Variants in GGT5 observed in about 807,000 individuals in gnomAD.
The protein encoded by GGT5 is gamma-glutamyltransferase 5.
Under a neutral mutation model 58.1 loss-of-function variants are expected in GGT5, and 50 were observed. The ratio of observed to expected loss-of-function variants is 0.86; its 90% CI spans 0.69 to 1.09. The LOEUF (loss-of-function observed/expected upper bound fraction) is 1.09. GGT5 is among the 50% of genes least tolerant of loss of function. The pLI, the probability that GGT5 is intolerant of heterozygous loss-of-function variation, is 0.00. For missense variants in GGT5, 800 were observed against 789.4 expected (o/e 1.01, Z -0.16); for synonymous variants, 370 against 346.1 (o/e 1.07, Z -0.77).
chr22:24,244,465 TTCAC>T, intron 1 of GGT5, 84 bp downstream of exon 1: 1 of 1,112,550 alleles, frequency 9.0e-7, no homozygotes, highest in Non-Finnish European at 1.3e-6. Flanking sequence ...CACACATACA[TTCAC>T]TCACACACAC....
At chr22:24,221,540 TCCCG>T (rs2047590009) in intron 11 of GGT5, among the ~76,000 whole-genome samples, 2 of 152,110 alleles carry the variant, frequency 1.3e-5, no homozygotes, top group South Asian at 4.1e-4. Flanking sequence ...TGAGATGGAG[TCCCG>T]CTCTGTCACC....
chr22:24,224,833 T>G (rs1223861092), intron 11 of GGT5, among the ~76,000 whole-genome samples, 163 bp downstream of exon 11: 2 of 152,186 alleles, frequency 1.3e-5, no homozygotes, highest in Admixed American at 1.3e-4. Context: ...TGGAGGCCAC[T>G]GACAGCCTCA....
At position 24,219,786 on chromosome 22, in the gene GGT5, G is replaced by C; in HGVS notation, c.*184C>G. On this transcript the variant is annotated 3_prime_UTR_variant, in exon 12 of 12. Coordinates refer to ENST00000327365, the MANE Select transcript of GGT5 (RefSeq NM_004121.5). ...CAGGACCACCAGGGGCTCTGGGAAA[G>C]GGGGTTAGGGATGAGGCTCAGCCTC... 3.3e-6 allele frequency: 2 copies of C among 604,796 alleles called. No individual in the cohort carries two copies. The highest frequency in any genetic ancestry group is 4.5e-4 in the Middle Eastern group (1 of 2,214). 37.5% of individuals were successfully genotyped at this position (604,796 alleles called of 1,614,324 possible).
intron 9 of GGT5, 29 bp from the exon 10 acceptor site, chr22:24,225,440 G>T: frequency 6.2e-6 from 10 of 1,607,724 alleles, no homozygotes; most frequent in Admixed American, 1.7e-5. Flanking sequence ...CTTGGCAAGT[G>T]CAGTGACCCA....
chr22:24,241,107 A>C (rs529860683), intron 1 of GGT5: 3 of 151,174 alleles, frequency 2.0e-5, no homozygotes, highest in African/African-American at 7.3e-5. Flanking sequence ...CGGTGAGCCA[A>C]GATCGTGCTA....
At chr22:24,230,165 C>G (rs1272107107) in intron 6 of GGT5, among the ~76,000 whole-genome samples, 2 of 151,846 alleles carry the variant, frequency 1.3e-5, no homozygotes, top group Middle Eastern at 3.4e-3. Flanking sequence ...ATCAGAAGTT[C>G]AAGACCAGCC....
In GGT5 at chr22:24,229,774, C is replaced by T. The variant is rs145475802; in HGVS notation, c.901+1610G>A. On this transcript the variant is annotated intron_variant, in intron 6 of 11. Transcript: ENST00000327365. ...GCTGAGACTGGAGAATTGCTTGAACCTCAGAGGCAGAGGTTGCAGTGAGCT... is the reference window on the plus strand; with the variant it reads ...GCTGAGACTGGAGAATTGCTTGAACTTCAGAGGCAGAGGTTGCAGTGAGCT... Among the ~76,000 whole-genome samples the T allele has an allele frequency of 9.2e-5, 14 of 151,734 alleles. No homozygotes were observed. In the South Asian group the frequency reaches 2.7e-3, roughly 29 times the overall value.
rs34787869 is a variant in GGT5, at chr22:24,219,670, C to CTCT, written c.*297_*299dup. On this transcript the variant is annotated 3_prime_UTR_variant, in exon 12 of 12. Coordinates refer to ENST00000327365, the MANE Select transcript of GGT5 (RefSeq NM_004121.5). ...ACCATGGAATCAGGCCACAGTCCGC[C>CTCT]TCTTTAATCTTGGACTGGAGGATAT... is the stretch of plus-strand genomic sequence containing the variant. 0.061 allele frequency: 20,957 copies of CTCT among 341,388 alleles called. 744 individuals carry two copies. The highest frequency in any genetic ancestry group is 0.085 in the South Asian group (1,888 of 22,158). 21.1% of individuals were successfully genotyped at this position (341,388 alleles called of 1,614,324 possible).
intron 1 of GGT5, among the ~76,000 whole-genome samples, chr22:24,238,787 TTA>T (rs1225690533): frequency 7.2e-5 from 1 of 13,980 alleles, no homozygotes; most frequent in Non-Finnish European, 1.1e-4. Flanking sequence ...ATAATATATA[TTA>T]TATATTTATA....
chr22:24,230,335 T>G (rs1156612476), intron 6 of GGT5, among the ~76,000 whole-genome samples: 4 of 149,108 alleles, frequency 2.7e-5, no homozygotes, highest in African/African-American at 1.0e-4. Flanking sequence ...GCCATTGCAC[T>G]CTAGCCTGGG....
In GGT5 at chr22:24,244,674, G is replaced by A; in HGVS notation, c.52C>T (p.Leu18=). Residue 18 remains leucine, a synonymous_variant, in exon 1 of 12, where the codon CTG becomes TTG. Transcript: ENST00000327365. ...TVSLVLLGLG[L]ALAVIVLAVV... Reference sequence around the variant, plus strand: ...GCCAGCACAATGACAGCCAGCGCCAGCCCCAGACCCAGCAGGACTAGGCTG... The same window carrying A: ...GCCAGCACAATGACAGCCAGCGCCAACCCCAGACCCAGCAGGACTAGGCTG... The A allele has an allele frequency of 6.2e-7, 1 of 1,612,852 alleles. No homozygotes were observed. The highest frequency in any genetic ancestry group is 1.1e-5 in the South Asian group (1 of 91,022).
At chr22:24,237,007 C>CTTTTTTTTTTTTTTTTTTCTT (rs35060391) in intron 1 of GGT5, among the ~76,000 whole-genome samples, 5 of 131,106 alleles carry the variant, frequency 3.8e-5, no homozygotes, top group African/African-American at 8.5e-5. Flanking sequence ...TCTTTTCTCT[C>CTTTTTTTTTTTTTTTTTTCTT]TTTTTTTTTT....
At chr22:24,221,218 G>A (rs2047580572) in intron 11 of GGT5, among the ~76,000 whole-genome samples, 3 of 152,178 alleles carry the variant, frequency 2.0e-5, no homozygotes, top group African/African-American at 7.2e-5. Flanking sequence ...CTTTCCCAAA[G>A]CAGACTTCCT....
intron 11 of GGT5, among the ~76,000 whole-genome samples, chr22:24,221,868 G>A (rs1296140460): frequency 2.6e-5 from 4 of 151,522 alleles, no homozygotes; most frequent in African/African-American, 4.8e-5. Context: ...CCCCCAACCC[G>A]CCAAGTTGTC....
intron 11 of GGT5, among the ~76,000 whole-genome samples, chr22:24,224,614 C>G (rs1034798117): frequency 1.1e-4 from 17 of 152,144 alleles, no homozygotes; most frequent in African/African-American, 4.1e-4. Context: ...GAAAAACAAC[C>G]TCTTTCACAA....
chr22:24,245,098 C>T (rs1367851924), upstream of GGT5: 3 of 213,112 alleles, frequency 1.4e-5, no homozygotes, highest in Non-Finnish European at 2.8e-5. Flanking sequence ...CACGCCTCAA[C>T]TTCTGGTTTT....
At chr22:24,223,754 CTTTTTTTTTTTT>C (rs898258352) in intron 11 of GGT5, among the ~76,000 whole-genome samples, 2 of 79,460 alleles carry the variant, frequency 2.5e-5, no homozygotes, top group African/African-American at 5.2e-5. Flanking sequence ...TGCTATCAAT[CTTTTTTTTTTTT>C]TTTTTTTTTT....
chr22:24,241,271 T>C (rs1163631989), intron 1 of GGT5: 1 of 151,924 alleles, frequency 6.6e-6, no homozygotes, highest in Non-Finnish European at 1.5e-5. Flanking sequence ...AGGTTATACA[T>C]AGAGATTTAT....
chr22:24,241,452 C>T (rs1450081746), intron 1 of GGT5: 7 of 152,218 alleles, frequency 4.6e-5, no homozygotes, highest in African/African-American at 1.7e-4. Flanking sequence ...AGTGTTGAAG[C>T]AGAATTCCTG....
Sources: allele counts gnomAD v4.1 joint callset (sites outside exome capture counted in the v4.1 genomes callset), GRCh38; gene constraint gnomAD v4.1.1; transcripts MANE v1.5; gene names NCBI Gene and HGNC (gene_info 2026-07-23, HGNC 2026-07-21).